SESTD1: variants seen among roughly 807,000 people sequenced by gnomAD.
SESTD1 encodes SEC14 and spectrin domain containing 1, also known as SEC14 domain and spectrin repeat-containing protein 1.
A neutral mutation model predicts 101.7 loss-of-function variants in SESTD1; 43 were observed. That is an observed-to-expected ratio of 0.42 (90% CI 0.33 to 0.55). SESTD1 has a LOEUF of 0.55. Among genes scored for constraint, SESTD1 ranks in the 20% least tolerant of loss-of-function variants. The pLI, the probability that SESTD1 is intolerant of heterozygous loss-of-function variation, is 0.07. For synonymous variants in SESTD1, 283 were observed against 286.8 expected, an observed-to-expected ratio of 0.99 and a Z score of 0.13; for missense variants, 647 against 815.1, an observed-to-expected ratio of 0.79 and a Z score of 2.51.
chr2:179,183,919 A>T (rs2046164247), intron 2 of SESTD1, among the ~76,000 whole-genome samples: 1 of 142,232 alleles, frequency 7.0e-6, no homozygotes, highest in Non-Finnish European at 1.5e-5. Flanking sequence ...GGAGGGAGGG[A>T]GGGAAAGGAA....
intron 1 of SESTD1, among the ~76,000 whole-genome samples, chr2:179,223,037 C>A (rs1198037808): frequency 2.0e-5 from 3 of 151,920 alleles, no homozygotes; most frequent in Admixed American, 6.6e-5. Context: ...TGAAAGCAAC[C>A]CAAATGTTCA....
intron 1 of SESTD1, among the ~76,000 whole-genome samples, chr2:179,226,457 G>C (rs1446845904): frequency 6.6e-6 from 1 of 152,152 alleles, no homozygotes; most frequent in East Asian, 1.9e-4. Context: ...CGTTTTCCCA[G>C]CAGTCTCCTT....
chr2:179,124,616 ACATTT>A, intron 10 of SESTD1, 58 bp from the exon 11 acceptor site: 1 of 1,380,298 alleles, frequency 7.2e-7, no homozygotes, highest in Non-Finnish European at 9.9e-7. Flanking sequence ...GGAAGAGATT[ACATTT>A]TATAATTTCT....
intron 1 of SESTD1, among the ~76,000 whole-genome samples, chr2:179,227,926 C>T (rs959017081): frequency 2.6e-5 from 4 of 152,168 alleles, no homozygotes; most frequent in Admixed American, 2.0e-4. Flanking sequence ...TTAAGAGGAC[C>T]TGGCTGCCAT....
intron 4 of SESTD1, among the ~76,000 whole-genome samples, chr2:179,174,764 C>T (rs1171125262): frequency 6.6e-6 from 1 of 151,894 alleles, no homozygotes; most frequent in East Asian, 1.9e-4. Context: ...AGTTTGAGAC[C>T]AGCTGGAGCA....
rs989682415 is a variant in SESTD1 at position 179,102,709 on chromosome 2, A to G, written c.*7190T>C. Reference sequence around the variant, plus strand: ...ATAGACTAATACAGGTGAATGCTGTATGTAATAGAACAGCTGGGAGAGGTA... The same window carrying G: ...ATAGACTAATACAGGTGAATGCTGTGTGTAATAGAACAGCTGGGAGAGGTA... On this transcript the variant is annotated 3_prime_UTR_variant, in exon 18 of 18. Transcript: ENST00000428443. 1 of 152,162 alleles carries G rather than the reference A, an allele frequency of 6.6e-6. No individual in the cohort carries two copies. Among genetic ancestry groups the G allele is most frequent in the Non-Finnish European group, 1.5e-5 (1 of 68,024 alleles). The allele number at this position is 152,162 out of a possible 1,614,324, so 9.4% of individuals were successfully genotyped here. A position where few individuals can be genotyped will look rare whatever the true frequency, so the allele number is the denominator to read the frequency against.
chr2:179,194,848 C>A (rs978043663), intron 1 of SESTD1, among the ~76,000 whole-genome samples: 8 of 152,152 alleles, frequency 5.3e-5, no homozygotes, highest in African/African-American at 1.9e-4. Context: ...ACCCCCAGAG[C>A]CCAGAAGACC....
intron 8 of SESTD1, among the ~76,000 whole-genome samples, chr2:179,144,639 T>C (rs2045355471): frequency 6.6e-6 from 1 of 152,086 alleles, no homozygotes; most frequent in Non-Finnish European, 1.5e-5. Flanking sequence ...TTCTCTTCCT[T>C]ATTTAGAATA....
rs1559129397 is a variant in SESTD1, at chr2:179,176,524, G to C, written c.179C>G (p.Ala60Gly). 2 of 1,612,828 alleles carry C rather than the reference G, an allele frequency of 1.2e-6. No individual in the cohort carries two copies. The highest frequency in any genetic ancestry group is 1.7e-6 in the Non-Finnish European group (2 of 1,179,482). ...LLSIPSEKCK[A>G]RGFTVIVDGR... is the part of the protein sequence containing the mutation. Reference sequence around the variant, plus strand: ...ATCCACAATCACGGTAAATCCTCTAGCCTTACACTTCTCACTGAAACAAAA... The same window carrying C: ...ATCCACAATCACGGTAAATCCTCTACCCTTACACTTCTCACTGAAACAAAA... Residue 60 changes from alanine to glycine, a missense_variant, in exon 4 of 18, where the codon GCT becomes GGT. This residue lies in a region of SESTD1 where 168 missense variants were observed against 235.1 expected (regional missense o/e 0.71). Coordinates refer to ENST00000428443, the MANE Select transcript of SESTD1 (RefSeq NM_178123.5).
At chr2:179,219,217 A>G (rs1285253742) in intron 1 of SESTD1, among the ~76,000 whole-genome samples, 6 of 152,352 alleles carry the variant, frequency 3.9e-5, no homozygotes, top group Non-Finnish European at 1.5e-5. Flanking sequence ...AGCAGAAAAC[A>G]GAATTGCAGG....
chr2:179,260,799 T>C (rs1396531203), intron 1 of SESTD1, among the ~76,000 whole-genome samples: 1 of 152,196 alleles, frequency 6.6e-6, no homozygotes, highest in East Asian at 1.9e-4. Flanking sequence ...ATATGTGTAG[T>C]ATAATCCCAT....
Position 179,214,090 on chromosome 2 carries a change from A to T in SESTD1, c.-25-22224T>A, listed in dbSNP as rs906403627. 1.5e-5 allele frequency among the ~76,000 whole-genome samples: 2 copies of T among 135,136 alleles called. 1 individual carries two copies. Among genetic ancestry groups the T allele is most frequent in the Non-Finnish European group, 3.2e-5 (2 of 62,860 alleles). 88.7% of individuals were successfully genotyped at this position (135,136 alleles called of 152,430 possible). On this transcript the variant is annotated intron_variant, in intron 1 of 17. Coordinates refer to ENST00000428443, the MANE Select transcript of SESTD1 (RefSeq NM_178123.5). ...GCATCAATTAATGGGCAAAATAACC[A>T]GCTAACATCATAATGACAGGATCAA... is the stretch of plus-strand genomic sequence containing the variant.
intron 5 of SESTD1, 58 bp downstream of exon 5, chr2:179,172,062 T>A: frequency 1.7e-6 from 2 of 1,149,284 alleles, no homozygotes; most frequent in Non-Finnish European, 1.3e-6. Context: ...AAAAATAATT[T>A]CAGTAAAATA....
chr2:179,204,314 A>T (rs1462268077), intron 1 of SESTD1, among the ~76,000 whole-genome samples: 1 of 134,170 alleles, frequency 7.5e-6, no homozygotes, highest in East Asian at 2.0e-4. Flanking sequence ...AATAAATCTA[A>T]TAATGCCCCA....
chr2:179,168,165 A>C (rs144401892), intron 5 of SESTD1, among the ~76,000 whole-genome samples: 2,726 of 152,268 alleles, frequency 0.018, 47 homozygotes, highest in Admixed American at 0.036. Context: ...TGAGACAGTA[A>C]GACCAACCCC....
chr2:179,212,773 C>G (rs1439648606), intron 1 of SESTD1, among the ~76,000 whole-genome samples: 1 of 134,930 alleles, frequency 7.4e-6, no homozygotes, highest in African/African-American at 2.9e-5. Flanking sequence ...GGGTGCTCCT[C>G]TGGGACGAAG....
chr2:179,257,462 CAT>C (rs1282771757), intron 1 of SESTD1, among the ~76,000 whole-genome samples: 1 of 152,194 alleles, frequency 6.6e-6, no homozygotes, highest in African/African-American at 2.4e-5. Context: ...ACAGTGTGAA[CAT>C]AACTTTTATA....
At chr2:179,254,288 A>G (rs899827984) in intron 1 of SESTD1, among the ~76,000 whole-genome samples, 1 of 152,132 alleles carries the variant, frequency 6.6e-6, no homozygotes, top group East Asian at 1.9e-4. Context: ...AATCTACTCC[A>G]TCTATCCATT....
intron 3 of SESTD1, among the ~76,000 whole-genome samples, chr2:179,178,659 G>A (rs557743649): frequency 6.6e-6 from 1 of 152,080 alleles, no homozygotes; most frequent in Non-Finnish European, 1.5e-5. Context: ...GCGGTCTGGA[G>A]TAGTGGCAAC....
Sources: allele counts gnomAD v4.1 joint callset (sites outside exome capture counted in the v4.1 genomes callset), GRCh38; gene constraint gnomAD v4.1.1; regional missense constraint gnomAD v4.1.1; transcripts MANE v1.5; gene names NCBI Gene and HGNC (gene_info 2026-07-23, HGNC 2026-07-21).